The following NCKAP5 variants were observed in gnomAD, a reference collection of about 807,000 sequenced individuals.
The protein encoded by NCKAP5 is NCK associated protein 5.
A neutral mutation model predicts 167.0 loss-of-function variants in NCKAP5; 92 were observed. That is an observed-to-expected ratio of 0.55 (90% CI 0.47 to 0.66). The LOEUF (loss-of-function observed/expected upper bound fraction) is 0.66, where lower values mean the gene tolerates loss of function less well. Ranked by LOEUF, NCKAP5 falls within the 30% of genes least tolerant of loss-of-function variation. The probability of loss-of-function intolerance (pLI) is 0.00; values close to 1 mark genes in which losing one functional copy is unlikely to be tolerated. For missense variants in NCKAP5, 2,378 were observed against 2,315.0 expected (o/e 1.03, Z -0.56); for synonymous variants, 891 against 877.4 (o/e 1.02, Z -0.27).
At chr2:133,351,166 C>T (rs1015433574) in intron 3 of NCKAP5, among the ~76,000 whole-genome samples, 16 of 151,928 alleles carry the variant, frequency 1.1e-4, no homozygotes, top group Admixed American at 9.2e-4. Flanking sequence ...GAATGGATGA[C>T]AGCTTAGTTG....
At chr2:132,771,839 A>ATTTTTT (rs70973406) in intron 16 of NCKAP5, among the ~76,000 whole-genome samples, 144 of 100,698 alleles carry the variant, frequency 1.4e-3, no homozygotes, top group African/African-American at 1.6e-3. Context: ...CGCCCGGCTA[A>ATTTTTT]TTTTTTTTTT....
intron 19 of NCKAP5, among the ~76,000 whole-genome samples, chr2:132,717,019 C>T (rs1261180295): frequency 2.0e-5 from 3 of 152,102 alleles, no homozygotes; most frequent in African/African-American, 4.8e-5. Flanking sequence ...AGTGCACACC[C>T]AATGTGCATA....
At chr2:133,526,238 AGGGAGGGAAGG>A (rs1684894602) in intron 2 of NCKAP5, among the ~76,000 whole-genome samples, 1 of 50,880 alleles carries the variant, frequency 2.0e-5, no homozygotes, top group African/African-American at 8.6e-5. Context: ...AAAGGAAAGG[AGGGAGGGAAGG>A]AGGGAGGGAG....
intron 6 of NCKAP5, among the ~76,000 whole-genome samples, chr2:133,126,868 G>T (rs2082420028): frequency 6.6e-6 from 1 of 151,952 alleles, no homozygotes; most frequent in Non-Finnish European, 1.5e-5. Flanking sequence ...CTCCTTTCAT[G>T]ACCTTTATTT....
At chr2:133,569,970 A>G (rs1259467771), upstream of NCKAP5, among the ~76,000 whole-genome samples, 1 of 152,036 alleles carries the variant, frequency 6.6e-6, no homozygotes, top group Non-Finnish European at 1.5e-5. Context: ...ATACACTCAC[A>G]AAAGAGCACA....
intron 3 of NCKAP5, among the ~76,000 whole-genome samples, chr2:133,507,345 T>G (rs1683101923): frequency 6.6e-6 from 1 of 152,198 alleles, no homozygotes; most frequent in Non-Finnish European, 1.5e-5. Flanking sequence ...CACATCTATG[T>G]GCATGAGAGC....
At chr2:133,039,178 G>A (rs902619007) in intron 6 of NCKAP5, among the ~76,000 whole-genome samples, 1 of 152,206 alleles carries the variant, frequency 6.6e-6, no homozygotes, top group Non-Finnish European at 1.5e-5. Flanking sequence ...AGGACACAGA[G>A]TGATGGGTTT....
intron 5 of NCKAP5, among the ~76,000 whole-genome samples, chr2:133,193,627 C>A (rs2085320258): frequency 6.6e-6 from 1 of 151,960 alleles, no homozygotes; most frequent in Non-Finnish European, 1.5e-5. Context: ...TAAAAAGCAG[C>A]AGTTCAAATA....
chr2:132,784,130 C>G lies in NCKAP5; in HGVS notation c.2681G>C (p.Gly894Ala). ...WVQCPKSQTP[G>A]SRSRPAIESS... ...CTCAATGGCAGGCCTTGACCGTGACCCTGGAGTCTGACTCTTGGGGCACTG... is the reference window on the plus strand; with the variant it reads ...CTCAATGGCAGGCCTTGACCGTGACGCTGGAGTCTGACTCTTGGGGCACTG... Residue 894 changes from glycine to alanine, a missense_variant, in exon 14 of 20, where the codon GGG becomes GCG. Physicochemically the swap from Gly to Ala is moderately conservative, Grantham distance 60. This residue lies in a region of NCKAP5 where 1,325 missense variants were observed against 1,274.5 expected (regional missense o/e 1.04). Coordinates refer to ENST00000409261, the MANE Select transcript of NCKAP5 (RefSeq NM_207363.3). The G allele has an allele frequency of 5.9e-6, 9 of 1,524,004 alleles. No individual in the cohort carries two copies. Among genetic ancestry groups the G allele is most frequent in the Non-Finnish European group, 7.9e-6 (9 of 1,138,428 alleles). The allele number at this position is 1,524,004 out of a possible 1,614,324, so 94.4% of individuals were successfully genotyped here. A position where few individuals can be genotyped will look rare whatever the true frequency, so the allele number is the denominator to read the frequency against.
intron 6 of NCKAP5, among the ~76,000 whole-genome samples, chr2:133,067,359 T>C (rs1188037957): frequency 6.6e-6 from 1 of 152,236 alleles, no homozygotes; most frequent in Non-Finnish European, 1.5e-5. Flanking sequence ...GAAAATACCA[T>C]TTTTCAATCT....
chr2:133,352,295 G>C (rs1201250923), intron 3 of NCKAP5, among the ~76,000 whole-genome samples: 1 of 152,236 alleles, frequency 6.6e-6, no homozygotes, highest in Non-Finnish European at 1.5e-5. Context: ...TGAGGGCAGG[G>C]ATTTTTGTCT....
At position 132,673,237 on chromosome 2, in the gene NCKAP5, T is replaced by A; in HGVS notation, c.*52A>T. The A allele has an allele frequency of 3.4e-6, 5 of 1,484,884 alleles. No homozygotes were observed. In the South Asian group the frequency reaches 7.0e-5, roughly 21 times the overall value. 92.0% of individuals were successfully genotyped at this position (1,484,884 alleles called of 1,614,324 possible). ...CAGTATTGCTGTTAAATTTATTGAATGACTCTAGGGAAATTTTCGATAATC... is the reference window on the plus strand; with the variant it reads ...CAGTATTGCTGTTAAATTTATTGAAAGACTCTAGGGAAATTTTCGATAATC... On this transcript the variant is annotated 3_prime_UTR_variant, in exon 20 of 20. Transcript: ENST00000409261.
chr2:133,049,838 T>G (rs1251555270), intron 6 of NCKAP5, among the ~76,000 whole-genome samples: 1 of 152,142 alleles, frequency 6.6e-6, no homozygotes, highest in African/African-American at 2.4e-5. Context: ...AGCCTTACCA[T>G]GAACACTGAA....
At position 132,994,180 on chromosome 2, in the gene NCKAP5, T is replaced by C; in HGVS notation, c.401A>G (p.Glu134Gly). 1 of 1,589,158 alleles carries C rather than the reference T, an allele frequency of 6.3e-7. No homozygotes were observed. The highest frequency in any genetic ancestry group is 8.6e-7 in the Non-Finnish European group (1 of 1,166,560). The change falls in exon 7 of 20, where the codon GAA becomes GGA. Residue 134 changes from glutamate (E) to glycine (G), a missense_variant. Around this residue, in one of 3 missense-constraint regions of NCKAP5, gnomAD observed 1,049 missense variants for 1,023.4 expected, o/e 1.02. Transcript: ENST00000409261. ...ATAGACCATTATATTAACAGTTTCT[T>C]CTTTTTTCTGCTCTGGAGATCCTTG... Reference protein sequence around the residue: ...QSQGSPEQKKEETVNIMVYQE... With the variant: ...QSQGSPEQKKGETVNIMVYQE...
chr2:133,010,559 G>T (rs982961268), intron 6 of NCKAP5, among the ~76,000 whole-genome samples: 6 of 152,170 alleles, frequency 3.9e-5, no homozygotes, highest in Admixed American at 2.6e-4. Context: ...GGGTGCTCAG[G>T]TTTCCTTTAG....
chr2:133,458,163 T>C (rs1471013775), intron 3 of NCKAP5, among the ~76,000 whole-genome samples: 1 of 152,188 alleles, frequency 6.6e-6, no homozygotes, highest in African/African-American at 2.4e-5. Context: ...GGTCCATCCA[T>C]TGTCACTGGA....
chr2:132,955,067 G>A lies in NCKAP5; in HGVS notation c.579+8653C>T, dbSNP rs576861628. On this transcript the variant is annotated intron_variant, in intron 8 of 19. Coordinates refer to ENST00000409261, the MANE Select transcript of NCKAP5 (RefSeq NM_207363.3). The stretch of plus-strand genomic sequence containing the variant: ...TGTCATAGAATCTAAAGATTAGAAG[G>A]AAACAATTATGAATTTCTATTCAGA... Among the ~76,000 whole-genome samples the A allele has an allele frequency of 4.6e-5, 7 of 152,302 alleles. No individual in the cohort carries two copies. The South Asian group carries it at 1.5e-3, about 32-fold the overall frequency.
intron 16 of NCKAP5, among the ~76,000 whole-genome samples, chr2:132,737,889 T>C (rs1394025281): frequency 2.0e-5 from 3 of 152,226 alleles, no homozygotes; most frequent in Non-Finnish European, 2.9e-5. Flanking sequence ...TGCTCCATGA[T>C]TGCTCTTATT....
intron 19 of NCKAP5, among the ~76,000 whole-genome samples, chr2:132,700,930 C>CG (rs67190492): frequency 0.018 from 1,979 of 113,016 alleles, 15 homozygotes; most frequent in South Asian, 0.046. Context: ...ATCCCCTGGG[C>CG]GGGGGGGGGG....
Sources: gnomAD v4.1 joint callset for allele counts (sites outside exome capture counted in the v4.1 genomes callset) on GRCh38, gnomAD v4.1.1 for gene constraint, gnomAD v4.1.1 regional missense constraint, MANE v1.5 for transcripts, NCBI Gene and HGNC (gene_info 2026-07-23, HGNC 2026-07-21) for gene names.